The following CNTNAP2 variants were observed in gnomAD, a reference collection of about 807,000 sequenced individuals.
CNTNAP2 encodes the protein contactin associated protein 2, also known as contactin-associated protein-like 2.
A neutral mutation model predicts 155.2 loss-of-function variants in CNTNAP2; 98 were observed. That is an observed-to-expected ratio of 0.63 (90% CI 0.54 to 0.75). The LOEUF (loss-of-function observed/expected upper bound fraction) is 0.75. Among genes scored for constraint, CNTNAP2 ranks in the 30% least tolerant of loss-of-function variants. The probability of loss-of-function intolerance (pLI) is 0.00; values close to 1 mark genes in which losing one functional copy is unlikely to be tolerated. For missense variants in CNTNAP2, 1,727 were observed against 1,688.1 expected (o/e 1.02, Z -0.40); for synonymous variants, 651 against 631.2 (o/e 1.03, Z -0.47).
chr7:147,717,018 T>C (rs1440443645), intron 13 of CNTNAP2, among the ~76,000 whole-genome samples: 1 of 152,124 alleles, frequency 6.6e-6, no homozygotes, highest in Non-Finnish European at 1.5e-5. Context: ...CATAACAATC[T>C]TCTTGGTATG....
chr7:146,231,186 G>T lies in CNTNAP2; in HGVS notation c.97+114213G>T, dbSNP rs540977322. On this transcript the variant is annotated intron_variant, in intron 1 of 23. Transcript: ENST00000361727. Reference sequence around the variant, plus strand: ...CACTAGGATTACCTCAAGTAATGGGGAAATGTTTTTGGAAAATAGATATGG... The same window carrying T: ...CACTAGGATTACCTCAAGTAATGGGTAAATGTTTTTGGAAAATAGATATGG... Among the ~76,000 whole-genome samples, 4 of 152,100 alleles carry T rather than the reference G, an allele frequency of 2.6e-5. No individual in the cohort carries two copies. The South Asian group carries it at 8.3e-4, about 32-fold the overall frequency.
At chr7:147,116,704 T>G (rs961684963) in intron 5 of CNTNAP2, among the ~76,000 whole-genome samples, 12 of 150,558 alleles carry the variant, frequency 8.0e-5, no homozygotes, top group Non-Finnish European at 1.6e-4. Flanking sequence ...GTGGTGACCC[T>G]CCCCTCCCTT....
chr7:147,565,133 C>T (rs1800143856), intron 12 of CNTNAP2, among the ~76,000 whole-genome samples: 1 of 152,102 alleles, frequency 6.6e-6, no homozygotes, highest in Non-Finnish European at 1.5e-5. Flanking sequence ...ATTATAAATG[C>T]TCCCCTAAAT....
intron 13 of CNTNAP2, among the ~76,000 whole-genome samples, chr7:147,823,744 C>T (rs1798399943): frequency 6.6e-6 from 1 of 151,692 alleles, no homozygotes; most frequent in Non-Finnish European, 1.5e-5. Flanking sequence ...ATTACTGAAG[C>T]TACAGAATAT....
At chr7:147,867,209 G>A (rs1488610794) in intron 13 of CNTNAP2, among the ~76,000 whole-genome samples, 1 of 152,112 alleles carries the variant, frequency 6.6e-6, no homozygotes, top group African/African-American at 2.4e-5. Context: ...CACTTATGAA[G>A]CTTATTTTGG....
At chr7:147,601,644 A>AATATATATAT (rs1160603745) in intron 12 of CNTNAP2, among the ~76,000 whole-genome samples, 1 of 87,468 alleles carries the variant, frequency 1.1e-5, no homozygotes, top group Non-Finnish European at 2.4e-5. Flanking sequence ...CTTAAAAAAA[A>AATATATATAT]ATATATATAT....
At chr7:148,412,118 T>TG (rs990165204) in intron 23 of CNTNAP2, among the ~76,000 whole-genome samples, 1 of 27,646 alleles carries the variant, frequency 3.6e-5, no homozygotes, top group Non-Finnish European at 8.2e-5. Context: ...AATTTTTGTA[T>TG]TTTAGTAGAG....
intron 1 of CNTNAP2, among the ~76,000 whole-genome samples, chr7:146,155,090 C>T (rs1798105291): frequency 6.6e-6 from 1 of 152,118 alleles, no homozygotes; most frequent in South Asian, 2.1e-4. Flanking sequence ...TACCATTTCA[C>T]AGATGAGAAA....
At chr7:146,531,685 C>T (rs1797771944) in intron 1 of CNTNAP2, among the ~76,000 whole-genome samples, 1 of 152,064 alleles carries the variant, frequency 6.6e-6, no homozygotes, top group Non-Finnish European at 1.5e-5. Flanking sequence ...AGCGGGATTA[C>T]AGGCACACAC....
intron 4 of CNTNAP2, among the ~76,000 whole-genome samples, chr7:147,083,986 G>A (rs1296698349): frequency 3.1e-5 from 4 of 128,208 alleles, no homozygotes; most frequent in Admixed American, 1.8e-4. Flanking sequence ...ACACATATAT[G>A]TATATATAAT....
At chr7:147,451,234 A>G (rs1797828239) in intron 10 of CNTNAP2, among the ~76,000 whole-genome samples, 1 of 152,246 alleles carries the variant, frequency 6.6e-6, no homozygotes, top group Admixed American at 6.5e-5. Context: ...GTCTGGAGCC[A>G]TAGAGTCTCC....
At chr7:146,206,542 A>T (rs1798949283) in intron 1 of CNTNAP2, among the ~76,000 whole-genome samples, 1 of 151,942 alleles carries the variant, frequency 6.6e-6, no homozygotes, top group South Asian at 2.1e-4. Flanking sequence ...CTTGTGTGAT[A>T]TATTGGATAC....
chr7:147,531,944 C>T (rs913019298), intron 11 of CNTNAP2, among the ~76,000 whole-genome samples: 43 of 151,674 alleles, frequency 2.8e-4, no homozygotes. Context: ...GTAGCTGGGA[C>T]TACAGGTGCC....
intron 2 of CNTNAP2, among the ~76,000 whole-genome samples, chr7:146,819,872 C>CA (rs1351558443): frequency 2.0e-5 from 3 of 152,152 alleles, no homozygotes; most frequent in Admixed American, 6.6e-5. Flanking sequence ...TACAGGCTGT[C>CA]AGGATGTTCT....
chr7:146,828,281 G>A (rs776056419), intron 2 of CNTNAP2, among the ~76,000 whole-genome samples: 6 of 151,906 alleles, frequency 3.9e-5, no homozygotes, highest in Non-Finnish European at 8.8e-5. Context: ...TAAATAATAT[G>A]CCCCCTATAT....
chr7:146,448,775 A>G (rs1796437961), intron 1 of CNTNAP2, among the ~76,000 whole-genome samples: 2 of 152,092 alleles, frequency 1.3e-5, no homozygotes, highest in Non-Finnish European at 2.9e-5. Context: ...CTATTCTGTT[A>G]ACACAAAACT....
chr7:148,067,191 C>T (rs1803284365), intron 15 of CNTNAP2, among the ~76,000 whole-genome samples: 1 of 152,116 alleles, frequency 6.6e-6, no homozygotes, highest in South Asian at 2.1e-4. Context: ...TGTCATATTA[C>T]CAGAATTGTT....
chr7:146,495,552 ATTTTTTTTTT>A (rs57676970), intron 1 of CNTNAP2, among the ~76,000 whole-genome samples: 3 of 133,420 alleles, frequency 2.2e-5, no homozygotes, highest in African/African-American at 2.8e-5. Context: ...CTAACAGGTC[ATTTTTTTTTT>A]TTTTTTTTTT....
intron 3 of CNTNAP2, among the ~76,000 whole-genome samples, chr7:146,855,360 A>G (rs937289685): frequency 2.0e-5 from 3 of 152,158 alleles, no homozygotes; most frequent in Non-Finnish European, 4.4e-5. Flanking sequence ...AGCTCCAATA[A>G]CATAAAAAGT....
Sources: allele counts gnomAD v4.1 joint callset (sites outside exome capture counted in the v4.1 genomes callset), GRCh38; gene constraint gnomAD v4.1.1; transcripts MANE v1.5; gene names NCBI Gene and HGNC (gene_info 2026-07-23, HGNC 2026-07-21).